Variants in CNTN2 observed in about 807,000 individuals in gnomAD.
CNTN2 encodes the protein contactin-2.
Under a neutral mutation model 117.5 loss-of-function variants are expected in CNTN2, and 53 were observed. The ratio of observed to expected loss-of-function variants is 0.45; its 90% CI spans 0.36 to 0.57. The LOEUF is 0.57. CNTN2 is among the 20% of genes least tolerant of loss of function. CNTN2 has a pLI of 0.00. For missense variants in CNTN2, 1,106 were observed against 1,404.3 expected, an observed-to-expected ratio of 0.79 and a Z score of 3.39; for synonymous variants, 530 against 561.7, an observed-to-expected ratio of 0.94 and a Z score of 0.80.
chr1:205,074,222 A>G lies in CNTN2; in HGVS notation c.*457A>G. ...TGCACACCTCACCATCCTTCAGTCT[A>G]AGGAAGAAGGGCAAGCCCTGGGACC... is the stretch of plus-strand genomic sequence containing the variant. On this transcript the variant is annotated 3_prime_UTR_variant, in exon 23 of 23. Coordinates refer to ENST00000331830, the MANE Select transcript of CNTN2 (RefSeq NM_005076.5). 2 of 417,874 alleles carry G rather than the reference A, an allele frequency of 4.8e-6. No individual in the cohort carries two copies. The highest frequency in any genetic ancestry group is 3.4e-5 in the East Asian group (1 of 29,404). The allele number at this position is 417,874 out of a possible 1,614,324, so 25.9% of individuals were successfully genotyped here. A position where few individuals can be genotyped will look rare whatever the true frequency, so the allele number is the denominator to read the frequency against.
chr1:205,043,015 C>A (rs2096434552), upstream of CNTN2: 1 of 150,316 alleles, frequency 6.7e-6, no homozygotes, highest in Non-Finnish European at 1.5e-5. Context: ...TGGGCTCGCT[C>A]CCTGGTCCTT....
At chr1:205,044,714 C>T (rs2096438350) in intron 1 of CNTN2, among the ~76,000 whole-genome samples, 1 of 152,202 alleles carries the variant, frequency 6.6e-6, no homozygotes, top group African/African-American at 2.4e-5. Flanking sequence ...TGGTCCCACT[C>T]AGAGGGGCCG....
rs1378617023 is a variant in CNTN2, at chr1:205,076,475, G to C, written c.*2710G>C. The C allele has an allele frequency of 1.3e-5, 2 of 152,178 alleles. No homozygotes were observed. Among genetic ancestry groups the C allele is most frequent in the Non-Finnish European group, 1.5e-5 (1 of 68,038 alleles). 9.4% of individuals were successfully genotyped at this position (152,178 alleles called of 1,614,324 possible). A position where few individuals can be genotyped will look rare whatever the true frequency, so the allele number is the denominator to read the frequency against. The stretch of plus-strand genomic sequence containing the variant: ...TGCCCAGATGGGCTGGGGGAGTTGA[G>C]AGTGTGCTTATTTTCACTGCGATCA... On this transcript the variant is annotated 3_prime_UTR_variant, in exon 23 of 23. Transcript: ENST00000331830.
intron 10 of CNTN2, among the ~76,000 whole-genome samples, 196 bp from the exon 11 acceptor site, chr1:205,064,126 A>AGGGGGGG (rs11329962): frequency 3.2e-5 from 3 of 94,436 alleles, no homozygotes; most frequent in African/African-American, 3.5e-5. Flanking sequence ...TGAGGGGCGG[A>AGGGGGGG]GGGGGGGCGC....
Position 205,058,511 on chromosome 1 carries a change from G to A in CNTN2, c.392-57G>A, listed in dbSNP as rs753791279. ...GCTGCTTCTCCGTGAAGGATGAGTC[G>A]GGGAGGGGCTCGCAGGCCAGGAGGA... On this transcript the variant is annotated intron_variant, in intron 4 of 22. Coordinates refer to ENST00000331830, the MANE Select transcript of CNTN2 (RefSeq NM_005076.5). This position sits in a 1 kb window ranked among gnomAD's most constrained non-coding sequence, Gnocchi z 4.3. The A allele has an allele frequency of 1.8e-5, 29 of 1,587,840 alleles. No homozygotes were observed. Among genetic ancestry groups the A allele is most frequent in the South Asian group, 1.2e-4 (11 of 90,174 alleles).
intron 14 of CNTN2, 102 bp downstream of exon 14, chr1:205,066,011 C>T (rs1470053980): frequency 1.0e-5 from 14 of 1,387,228 alleles, no homozygotes; most frequent in African/African-American, 7.3e-5. Flanking sequence ...CTCAAAGCTG[C>T]GGGGAAGGGC....
rs112967784 is a variant in CNTN2 at position 205,073,944 on chromosome 1, A to T, written c.*179A>T. 1.5e-5 allele frequency: 9 copies of T among 610,096 alleles called. No homozygotes were observed. The highest frequency in any genetic ancestry group is 3.9e-5 in the South Asian group (2 of 51,078). 37.8% of individuals were successfully genotyped at this position (610,096 alleles called of 1,614,324 possible). ...TATTTTATATTCTGCCGCAGGATAGAACCCACGCAAGGATTTTCTTTAAAT... is the reference window on the plus strand; with the variant it reads ...TATTTTATATTCTGCCGCAGGATAGTACCCACGCAAGGATTTTCTTTAAAT... On this transcript the variant is annotated 3_prime_UTR_variant, in exon 23 of 23. Coordinates refer to ENST00000331830, the MANE Select transcript of CNTN2 (RefSeq NM_005076.5). The surrounding 1 kb of genome is among the most constrained non-coding windows in gnomAD (Gnocchi z 6.3).
intron 1 of CNTN2, among the ~76,000 whole-genome samples, chr1:205,050,256 C>T (rs550437591): frequency 7.9e-5 from 12 of 150,958 alleles, no homozygotes; most frequent in Admixed American, 4.6e-4. Flanking sequence ...TGACCAGATA[C>T]GCTGCTGACC....
intron 2 of CNTN2, among the ~76,000 whole-genome samples, chr1:205,053,663 T>C (rs543019359): frequency 6.6e-6 from 1 of 152,290 alleles, no homozygotes; most frequent in African/African-American, 2.4e-5. Flanking sequence ...TTTCCTCAGG[T>C]GCACTAGCCA....
At chr1:205,047,815 A>G (rs569266114) in intron 1 of CNTN2, among the ~76,000 whole-genome samples, 1 of 152,172 alleles carries the variant, frequency 6.6e-6, no homozygotes, top group South Asian at 2.1e-4. Context: ...TTTCCTGAGC[A>G]CTCACTATGA....
chr1:205,059,579 C>A lies in CNTN2; in HGVS notation c.698-4C>A. On this transcript the variant is annotated splice_region_variant and splice_polypyrimidine_tract_variant and intron_variant, in intron 6 of 22. Coordinates refer to ENST00000331830, the MANE Select transcript of CNTN2 (RefSeq NM_005076.5). This position sits in a 1 kb window ranked among gnomAD's most constrained non-coding sequence, Gnocchi z 5.6. The stretch of plus-strand genomic sequence containing the variant: ...ATCTGATTTGTAAAACCCTCTCTCC[C>A]CAGATACCCGGCTCTTTGCACCCAG... 2 of 1,614,046 alleles carry A rather than the reference C, an allele frequency of 1.2e-6. No individual in the cohort carries two copies. The highest frequency in any genetic ancestry group is 2.2e-5 in the South Asian group (2 of 91,074).
chr1:205,065,359 T>A lies in CNTN2; in HGVS notation c.1695+97T>A. 4.5e-6 allele frequency: 6 copies of A among 1,323,750 alleles called. No homozygotes were observed. The highest frequency in any genetic ancestry group is 6.3e-6 in the Non-Finnish European group (6 of 951,854). 82.0% of individuals were successfully genotyped at this position (1,323,750 alleles called of 1,614,324 possible). A position where few individuals can be genotyped will look rare whatever the true frequency, so the allele number is the denominator to read the frequency against. ...GCCATCCTCACCTTTAAGAAACCCA[T>A]AGCCTAAGCGCCCCCATTCCCTCAG... On this transcript the variant is annotated intron_variant, in intron 13 of 22. Coordinates refer to ENST00000331830, the MANE Select transcript of CNTN2 (RefSeq NM_005076.5). The surrounding 1 kb of genome is among the most constrained non-coding windows in gnomAD (Gnocchi z 4.1).
In CNTN2 at chr1:205,076,771, C is replaced by T. The variant is rs957761591; in HGVS notation, c.*3006C>T. 3 of 152,302 alleles carry T rather than the reference C, an allele frequency of 2.0e-5. No homozygotes were observed. Among genetic ancestry groups the T allele is most frequent in the Non-Finnish European group, 2.9e-5 (2 of 68,166 alleles). 9.4% of individuals were successfully genotyped at this position (152,302 alleles called of 1,614,324 possible). On this transcript the variant is annotated 3_prime_UTR_variant, in exon 23 of 23. Transcript: ENST00000331830. ...AACAGTCCAGATGTACACCCAGCCT[C>T]AGGGGGAAGGCAGCTCTCTCCAGAC...
rs1394495566 is a variant in CNTN2 at position 205,073,644 on chromosome 1, T to G, written c.3014-12T>G. On this transcript the variant is annotated splice_polypyrimidine_tract_variant and intron_variant, in intron 22 of 22. Coordinates refer to ENST00000331830, the MANE Select transcript of CNTN2 (RefSeq NM_005076.5). The surrounding 1 kb of genome is among the most constrained non-coding windows in gnomAD (Gnocchi z 6.3). ...TCCCAGGCCCAGCTGACTCAGCTTG[T>G]GCTGGTTTCAGGCACAAGCATGATG... is the stretch of plus-strand genomic sequence containing the variant. 6.2e-7 allele frequency: 1 copy of G among 1,612,288 alleles called. No individual in the cohort carries two copies. The highest frequency in any genetic ancestry group is 8.5e-7 in the Non-Finnish European group (1 of 1,179,462).
chr1:205,072,530 A>C lies in CNTN2; in HGVS notation c.2779A>C (p.Ser927Arg), dbSNP rs1232304626. 1.9e-6 allele frequency: 3 copies of C among 1,614,184 alleles called. No homozygotes were observed. The Admixed American group carries it at 5.0e-5, about 27-fold the overall frequency. Residue 927 changes from serine to arginine, a missense_variant, in exon 21 of 23, where the codon AGT becomes CGT. Coordinates refer to ENST00000331830, the MANE Select transcript of CNTN2 (RefSeq NM_005076.5). ...GNISWTFSSS[S>R]LSIKWDPVVP... ...CATCTCCTGGACTTTCTCAAGCTCT[A>C]GTCTTAGCATTAAGTGGGACCCTGT...
In CNTN2 at chr1:205,071,999, C is replaced by G; in HGVS notation, c.2597C>G (p.Thr866Arg). The G allele has an allele frequency of 6.2e-7, 1 of 1,614,148 alleles. No homozygotes were observed. Among genetic ancestry groups the G allele is most frequent in the Non-Finnish European group, 8.5e-7 (1 of 1,180,020 alleles). The change falls in exon 20 of 23, where the codon ACA (threonine) becomes AGA (arginine). Residue 866 changes from threonine (T) to arginine (R), a missense_variant. Transcript: ENST00000331830. ...DKEAAADRVR[T>R]AGLDTSARVS... ...GAAGCAGCTGCGGACCGAGTGAGGA[C>G]AGCAGGGCTGGACACCAGTGCCCGA...
rs558565142 is a variant in CNTN2, at chr1:205,048,055, G to A, written c.-87+4661G>A. 7.2e-5 allele frequency among the ~76,000 whole-genome samples: 11 copies of A among 152,294 alleles called. No individual in the cohort carries two copies. In the South Asian group the frequency reaches 1.0e-3, roughly 14 times the overall value. On this transcript the variant is annotated intron_variant, in intron 1 of 22. Transcript: ENST00000331830. This position sits in a 1 kb window ranked among gnomAD's most constrained non-coding sequence, Gnocchi z 4.1. The stretch of plus-strand genomic sequence containing the variant: ...CTGTTTTATAGGATAGAGGTCAAGC[G>A]GGGGCCTGAAGGGCTCCTCAAGTAC...
At chr1:205,055,086 T>C (rs1466480998) in intron 2 of CNTN2, among the ~76,000 whole-genome samples, 1 of 152,118 alleles carries the variant, frequency 6.6e-6, no homozygotes, top group Non-Finnish European at 1.5e-5. Context: ...TGATCTTGGC[T>C]CTCTGCAACC....
chr1:205,061,857 T>C lies in CNTN2; in HGVS notation c.974-8T>C. 1 of 1,506,512 alleles carries C rather than the reference T, an allele frequency of 6.6e-7. No homozygotes were observed. Among genetic ancestry groups the C allele is most frequent in the Non-Finnish European group, 8.9e-7 (1 of 1,127,016 alleles). The allele number at this position is 1,506,512 out of a possible 1,614,324, so 93.3% of individuals were successfully genotyped here. On this transcript the variant is annotated splice_polypyrimidine_tract_variant and splice_region_variant and intron_variant, in intron 8 of 22. Transcript: ENST00000331830. The surrounding 1 kb of genome is among the most constrained non-coding windows in gnomAD (Gnocchi z 4.8). ...TCATGCCAGGTTTTCTTTTCCGGGC[T>C]CCCACAGCTCAGCCTGAGTGGCTAA...
Sources: allele counts gnomAD v4.1 joint callset (sites outside exome capture counted in the v4.1 genomes callset), GRCh38; gene constraint gnomAD v4.1.1; non-coding constraint Gnocchi (gnomAD v3.1); transcripts MANE v1.5; gene names NCBI Gene and HGNC (gene_info 2026-07-23, HGNC 2026-07-21).